The following DNM2 variants were observed in gnomAD, a reference collection of about 807,000 sequenced individuals.
DNM2 encodes the protein dynamin 2, also known as dynamin-2.
In DNM2, 15 loss-of-function variants were observed where a neutral mutation model predicts 99.0. The observed-to-expected ratio is 0.15, with a 90% CI of 0.10 to 0.23. The LOEUF (loss-of-function observed/expected upper bound fraction) is 0.23. Among genes scored for constraint, DNM2 ranks in the 10% least tolerant of loss-of-function variants. The probability of loss-of-function intolerance (pLI) is 1.00; values close to 1 mark genes in which losing one functional copy is unlikely to be tolerated. For synonymous variants in DNM2, 525 were observed against 481.2 expected (o/e 1.09, Z -1.19); for missense variants, 742 against 1,189.4 (o/e 0.62, Z 5.53).
chr19:10,724,943 C>T (rs544352905), intron 1 of DNM2, among the ~76,000 whole-genome samples: 8 of 152,346 alleles, frequency 5.3e-5, no homozygotes, highest in South Asian at 2.1e-4. Context: ...GTGGATGAGC[C>T]GCGGGGGCAC....
At chr19:10,747,261 G>T (rs1326003278) in intron 1 of DNM2, among the ~76,000 whole-genome samples, 1 of 152,106 alleles carries the variant, frequency 6.6e-6, no homozygotes, top group Non-Finnish European at 1.5e-5. Flanking sequence ...GAGGCAGGTG[G>T]CATCATTCCC....
In DNM2 at chr19:10,820,878, A is replaced by C. The variant is rs1451380324; in HGVS notation, c.1781+789A>C. On this transcript the variant is annotated intron_variant, in intron 16 of 20. Transcript: ENST00000389253. This position sits in a 1 kb window ranked among gnomAD's most constrained non-coding sequence, Gnocchi z 4.3. Reference sequence around the variant, plus strand: ...GGAGGCCCCAGGAAGCTCACAGTACATCTGTCCCATGAGGCGTAGCTGGAG... The same window carrying C: ...GGAGGCCCCAGGAAGCTCACAGTACCTCTGTCCCATGAGGCGTAGCTGGAG... Among the ~76,000 whole-genome samples the C allele has an allele frequency of 1.3e-5, 2 of 152,236 alleles. No individual in the cohort carries two copies. The highest frequency in any genetic ancestry group is 2.9e-5 in the Non-Finnish European group (2 of 68,024).
In DNM2 at chr19:10,727,827, C is replaced by T. The variant is rs956089937; in HGVS notation, c.161+9424C>T. On this transcript the variant is annotated intron_variant, in intron 1 of 20. Coordinates refer to ENST00000389253, the MANE Select transcript of DNM2 (RefSeq NM_001005361.3). ...GAATGAAAGTGCTGAAATTATAGGC[C>T]CCTCGGCTGCTGAAAAAAAGTGAGA... Among the ~76,000 whole-genome samples the T allele has an allele frequency of 3.3e-5, 5 of 152,148 alleles. No homozygotes were observed. The East Asian group carries it at 9.6e-4, about 29-fold the overall frequency.
In DNM2 at chr19:10,760,343, T is replaced by C. The variant is rs141062319; in HGVS notation, c.235+532T>C. Reference sequence around the variant, plus strand: ...GGCATGAGCCACCACACCGGCCCCATGTGTGCTTTTCATGTGTTATAGATA... The same window carrying C: ...GGCATGAGCCACCACACCGGCCCCACGTGTGCTTTTCATGTGTTATAGATA... On this transcript the variant is annotated intron_variant, in intron 2 of 20. Coordinates refer to ENST00000389253, the MANE Select transcript of DNM2 (RefSeq NM_001005361.3). Among the ~76,000 whole-genome samples the C allele has an allele frequency of 2.6e-5, 4 of 152,088 alleles. No homozygotes were observed. The East Asian group carries it at 7.7e-4, about 29-fold the overall frequency.
intron 1 of DNM2, among the ~76,000 whole-genome samples, chr19:10,744,001 T>A (rs1164836531): frequency 9.8e-5 from 13 of 132,924 alleles, no homozygotes; most frequent in African/African-American, 2.6e-4. Context: ...AAAAAAAAAA[T>A]ACAAAAATTA....
chr19:10,737,713 G>A (rs1199294484), intron 1 of DNM2, among the ~76,000 whole-genome samples: 3 of 152,170 alleles, frequency 2.0e-5, no homozygotes, highest in African/African-American at 7.2e-5. Context: ...TCGAACTGCT[G>A]ACTTCAGGTG....
chr19:10,806,229 T>G (rs1222764199), intron 13 of DNM2, among the ~76,000 whole-genome samples: 1 of 152,146 alleles, frequency 6.6e-6, no homozygotes, highest in African/African-American at 2.4e-5. Context: ...GGGTTAGAAC[T>G]TGACTCTTGG....
chr19:10,793,345 G>C (rs981931180), intron 7 of DNM2, among the ~76,000 whole-genome samples: 2 of 152,182 alleles, frequency 1.3e-5, no homozygotes, highest in Non-Finnish European at 2.9e-5. Flanking sequence ...GGAACCTATG[G>C]AAGCCACCTG....
chr19:10,722,634 C>T (rs1036660296), intron 1 of DNM2, among the ~76,000 whole-genome samples: 1 of 152,006 alleles, frequency 6.6e-6, no homozygotes, highest in Non-Finnish European at 1.5e-5. Flanking sequence ...TGAGCCACCG[C>T]GCCTGGCCTG....
chr19:10,755,256 A>G (rs985455187), intron 1 of DNM2: 1 of 152,212 alleles, frequency 6.6e-6, no homozygotes. Flanking sequence ...AATGAACGTC[A>G]GACACACGAA....
intron 1 of DNM2, among the ~76,000 whole-genome samples, chr19:10,757,382 G>T (rs988854869): frequency 2.0e-5 from 3 of 152,184 alleles, no homozygotes; most frequent in Admixed American, 2.0e-4. Context: ...CCCGACGCCA[G>T]CCACTGGGTA....
chr19:10,804,180 A>AGG (rs1298286574), intron 12 of DNM2, among the ~76,000 whole-genome samples: 3 of 151,884 alleles, frequency 2.0e-5, no homozygotes, highest in Non-Finnish European at 2.9e-5. Flanking sequence ...GGCCCAGGAG[A>AGG]GGGGCCACCT....
Position 10,786,841 on chromosome 19 carries a change from G to A in DNM2, c.992+135G>A, listed in dbSNP as rs998239140. The A allele has an allele frequency of 1.7e-5, 26 of 1,511,148 alleles. No individual in the cohort carries two copies. The Middle Eastern group carries it at 9.2e-4, about 53-fold the overall frequency. 93.6% of individuals were successfully genotyped at this position (1,511,148 alleles called of 1,614,324 possible). ...CAGACACTTGCTGCAAGCCTTCTGC[G>A]TGCCAGGCTCCATCCTAAGCATGGC... On this transcript the variant is annotated intron_variant, in intron 7 of 20. Coordinates refer to ENST00000389253, the MANE Select transcript of DNM2 (RefSeq NM_001005361.3).
At chr19:10,757,700 T>C (rs2070441815) in intron 1 of DNM2, among the ~76,000 whole-genome samples, 1 of 152,072 alleles carries the variant, frequency 6.6e-6, no homozygotes. Context: ...AACCCAGCAC[T>C]TTGGGAGGCC....
At chr19:10,730,933 G>A (rs2069290743) in intron 1 of DNM2, among the ~76,000 whole-genome samples, 1 of 152,202 alleles carries the variant, frequency 6.6e-6, no homozygotes, top group Admixed American at 6.5e-5. Flanking sequence ...GACCTATGGG[G>A]CGGTAGACAA....
chr19:10,825,209 C>T lies in DNM2; in HGVS notation c.2046C>T (p.Leu682=), dbSNP rs781220909. ...TCATGCCAAAGACCATCATGCACCT[C>T]ATGATCAACAATGTGAGTGGAGAAC... is the stretch of plus-strand genomic sequence containing the variant. ...RDLMPKTIMH[L]MINNTKAFIH... The change falls in exon 18 of 21, where the codon CTC becomes CTT. Residue 682 remains leucine (L), a synonymous_variant. Transcript: ENST00000389253. 6.2e-7 allele frequency: 1 copy of T among 1,614,120 alleles called. No homozygotes were observed. Among genetic ancestry groups the T allele is most frequent in the Non-Finnish European group, 8.5e-7 (1 of 1,179,986 alleles).
chr19:10,823,914 T>C lies in DNM2; in HGVS notation c.1893+15T>C, dbSNP rs753448162. On this transcript the variant is annotated intron_variant, in intron 17 of 20. Transcript: ENST00000389253. ...AGAAGGACCAGGTGAGGAGCCGTCCTGCGCAGCCAGGCCCAGAGCCCCCAC... is the reference window on the plus strand; with the variant it reads ...AGAAGGACCAGGTGAGGAGCCGTCCCGCGCAGCCAGGCCCAGAGCCCCCAC... The C allele has an allele frequency of 2.0e-5, 32 of 1,611,386 alleles. No homozygotes were observed. The South Asian group carries it at 3.3e-4, about 17-fold the overall frequency.
intron 16 of DNM2, 131 bp from the exon 17 acceptor site, chr19:10,823,657 A>AC: frequency 1.2e-6 from 1 of 814,540 alleles, no homozygotes; most frequent in South Asian, 1.4e-5. Context: ...CCTCAGCATG[A>AC]CCAGGTGAAG....
At chr19:10,747,187 T>C (rs1014715281) in intron 1 of DNM2, among the ~76,000 whole-genome samples, 1 of 152,008 alleles carries the variant, frequency 6.6e-6, no homozygotes, top group African/African-American at 2.4e-5. Context: ...TTTGATTCGA[T>C]GGGGCGAATG....
Sources: allele counts gnomAD v4.1 joint callset (sites outside exome capture counted in the v4.1 genomes callset), GRCh38; gene constraint gnomAD v4.1.1; non-coding constraint Gnocchi (gnomAD v3.1); transcripts MANE v1.5; gene names NCBI Gene and HGNC (gene_info 2026-07-23, HGNC 2026-07-21).